MYOM1: variants seen among roughly 807,000 people sequenced by gnomAD.
MYOM1 encodes the protein myomesin 1, also known as myomesin-1.
A neutral mutation model predicts 205.3 loss-of-function variants in MYOM1; 164 were observed. The observed-to-expected ratio is 0.80, with a 90% CI of 0.70 to 0.91. The LOEUF is 0.91. Ranked by LOEUF, MYOM1 falls within the 40% of genes least tolerant of loss-of-function variation. The pLI, the probability that MYOM1 is intolerant of heterozygous loss-of-function variation, is 0.00. For missense variants in MYOM1, 2,011 were observed against 2,127.3 expected, an observed-to-expected ratio of 0.95 and a Z score of 1.08; for synonymous variants, 772 against 789.4, an observed-to-expected ratio of 0.98 and a Z score of 0.37.
Position 3,094,156 on chromosome 18 carries a change from A to C in MYOM1, c.3864+14T>G. 1 of 1,612,896 alleles carries C rather than the reference A, an allele frequency of 6.2e-7. No homozygotes were observed. Among genetic ancestry groups the C allele is most frequent in the South Asian group, 1.1e-5 (1 of 90,870 alleles). ...CAATGATACATTAAAAAGTCTAAAC[A>C]GTGTAAAACCTACCGGGCCTTCAAA... On this transcript the variant is annotated intron_variant, in intron 26 of 37. Transcript: ENST00000356443.
chr18:3,244,718 G>A, the MYOM1 span, among the ~76,000 whole-genome samples: 7 of 150,536 alleles, frequency 4.7e-5, no homozygotes, highest in South Asian at 2.1e-4. Context: ...TGGTGAAACC[G>A]TCTCTACTAA....
chr18:3,151,212 T>C (rs919906131), intron 12 of MYOM1, among the ~76,000 whole-genome samples: 3 of 151,638 alleles, frequency 2.0e-5, no homozygotes, highest in African/African-American at 7.3e-5. Context: ...TGTCTATCTG[T>C]TTTTCCTTTG....
At chr18:3,121,762 A>T (rs113128566) in intron 19 of MYOM1, among the ~76,000 whole-genome samples, 2 of 152,186 alleles carry the variant, frequency 1.3e-5, no homozygotes, top group Admixed American at 6.5e-5. Context: ...AAGGTAGAAT[A>T]GAAGGAAAAA....
chr18:3,095,397 C>T (rs2079288675), intron 25 of MYOM1, among the ~76,000 whole-genome samples: 2 of 152,062 alleles, frequency 1.3e-5, no homozygotes, highest in Non-Finnish European at 2.9e-5. Flanking sequence ...GGTGAAACCC[C>T]ATCTCTACTA....
In MYOM1 at chr18:3,189,191, AC is replaced by A. The variant is rs1309503036; in HGVS notation, c.432-105del. ...CCACATCTCAGACACTGTATCCTGC[AC>A]CAAAAGAAAATCCGACATAGAAAAA... On this transcript the variant is annotated intron_variant, in intron 3 of 37. Transcript: ENST00000356443. This position sits in a 1 kb window ranked among gnomAD's most constrained non-coding sequence, Gnocchi z 4.8. The A allele has an allele frequency of 9.3e-7, 1 of 1,080,358 alleles. No homozygotes were observed. The highest frequency in any genetic ancestry group is 2.7e-5 in the Admixed American group (1 of 37,008). 66.9% of individuals were successfully genotyped at this position (1,080,358 alleles called of 1,614,324 possible). A position where few individuals can be genotyped will look rare whatever the true frequency, so the allele number is the denominator to read the frequency against.
the MYOM1 span, among the ~76,000 whole-genome samples, chr18:3,242,567 G>A: frequency 4.6e-5 from 7 of 152,126 alleles, no homozygotes; most frequent in African/African-American, 1.4e-4. Flanking sequence ...TGAGGGCAGC[G>A]GCATGATCTC....
intron 25 of MYOM1, among the ~76,000 whole-genome samples, chr18:3,099,682 C>T (rs937988006): frequency 1.3e-5 from 2 of 152,134 alleles, no homozygotes; most frequent in Non-Finnish European, 2.9e-5. Flanking sequence ...CTTTTTCTGA[C>T]GAAGGCATGT....
At chr18:3,087,039 G>A (rs1317508684) in intron 29 of MYOM1, among the ~76,000 whole-genome samples, 1 of 152,198 alleles carries the variant, frequency 6.6e-6, no homozygotes, top group Non-Finnish European at 1.5e-5. Context: ...CCTGGCAACT[G>A]TAGTGAAACC....
intron 34 of MYOM1, among the ~76,000 whole-genome samples, chr18:3,076,217 G>A (rs1427701097): frequency 1.3e-5 from 2 of 151,946 alleles, no homozygotes; most frequent in East Asian, 3.9e-4. Context: ...AGTAGCATGC[G>A]CCATCACACC....
chr18:3,242,194 C>G, the MYOM1 span, among the ~76,000 whole-genome samples: 1 of 151,978 alleles, frequency 6.6e-6, no homozygotes, highest in Non-Finnish European at 1.5e-5. Flanking sequence ...TTAGGAGGGG[C>G]CAGGGTGGAA....
intron 26 of MYOM1, among the ~76,000 whole-genome samples, chr18:3,091,826 G>C (rs1247634291): frequency 2.6e-5 from 4 of 151,942 alleles, no homozygotes; most frequent in Non-Finnish European, 5.9e-5. Flanking sequence ...CGGCCTCCCA[G>C]GTTCAAGTGA....
intron 2 of MYOM1, among the ~76,000 whole-genome samples, chr18:3,205,256 G>A (rs1275958787): frequency 6.6e-6 from 1 of 151,892 alleles, no homozygotes; most frequent in African/African-American, 2.4e-5. Flanking sequence ...TTCTGGTTTT[G>A]GAAAGACACT....
intron 10 of MYOM1, among the ~76,000 whole-genome samples, chr18:3,162,993 T>C (rs1472334440): frequency 7.0e-6 from 1 of 143,702 alleles, no homozygotes; most frequent in Non-Finnish European, 1.5e-5. Context: ...GCCACTGCAC[T>C]GCACTCCAGC....
At chr18:3,183,171 C>T (rs1161451414) in intron 5 of MYOM1, among the ~76,000 whole-genome samples, 4 of 152,248 alleles carry the variant, frequency 2.6e-5, no homozygotes, top group East Asian at 3.9e-4. Context: ...TCAGGTCATC[C>T]GCCCGACTCG....
intron 30 of MYOM1, 57 bp from the exon 31 acceptor site, chr18:3,085,189 T>C: frequency 2.2e-6 from 2 of 903,282 alleles, no homozygotes; most frequent in Non-Finnish European, 1.5e-6. Flanking sequence ...GCACGGTATC[T>C]GTGATTTTTT....
Position 3,100,142 on chromosome 18 carries a change from G to A in MYOM1, c.3727+17C>T, listed in dbSNP as rs189839355. ...GTAAGACTGCTAAAAACCTGTGAAT[G>A]TATTGTGGATACTTACTTGGGAACT... On this transcript the variant is annotated intron_variant, in intron 25 of 37. Transcript: ENST00000356443. 2 of 1,613,462 alleles carry A rather than the reference G, an allele frequency of 1.2e-6. No homozygotes were observed. Among genetic ancestry groups the A allele is most frequent in the African/African-American group, 2.7e-5 (2 of 75,038 alleles).
Position 3,106,795 on chromosome 18 carries a change from C to T in MYOM1, c.3419-4165G>A, listed in dbSNP as rs147702923. ...CAATGATCATGCCACTGCACTCCAG[C>T]CTGGGTGACAAAATCAGATCCTGTC... On this transcript the variant is annotated intron_variant, in intron 22 of 37. Transcript: ENST00000356443. Among the ~76,000 whole-genome samples, 206 of 152,242 alleles carry T rather than the reference C, an allele frequency of 1.4e-3. 1 individual carries two copies. The highest frequency in any genetic ancestry group is 3.3e-3 in the East Asian group (17 of 5,182).
intron 16 of MYOM1, among the ~76,000 whole-genome samples, chr18:3,131,916 A>G (rs1192354232): frequency 6.6e-6 from 1 of 151,670 alleles, no homozygotes; most frequent in Non-Finnish European, 1.5e-5. Context: ...TGCTTACATG[A>G]TAATTTTCAT....
intron 36 of MYOM1, among the ~76,000 whole-genome samples, chr18:3,072,279 G>A (rs2078967208): frequency 6.7e-6 from 1 of 148,792 alleles, no homozygotes; most frequent in Admixed American, 6.7e-5. Flanking sequence ...TTGAACTCCT[G>A]ACCTCGTGAT....
Sources: allele counts gnomAD v4.1 joint callset (sites outside exome capture counted in the v4.1 genomes callset), GRCh38; gene constraint gnomAD v4.1.1; non-coding constraint Gnocchi (gnomAD v3.1); transcripts MANE v1.5; gene names NCBI Gene and HGNC (gene_info 2026-07-23, HGNC 2026-07-21).